Variants in EML2 observed in about 807,000 individuals in gnomAD.
EML2 encodes the protein echinoderm microtubule-associated protein-like 2.
Under a neutral mutation model 84.7 loss-of-function variants are expected in EML2, and 59 were observed. That is an observed-to-expected ratio of 0.70 (90% confidence interval 0.56 to 0.86). The LOEUF (loss-of-function observed/expected upper bound fraction) is 0.86. EML2 is among the 40% of genes least tolerant of loss of function. The pLI is 0.00. For synonymous variants in EML2, 352 were observed against 348.9 expected, an observed-to-expected ratio of 1.01 and a Z score of -0.10; for missense variants, 818 against 855.6, an observed-to-expected ratio of 0.96 and a Z score of 0.55.
intron 6 of EML2, among the ~76,000 whole-genome samples, chr19:45,631,884 A>AT (rs755529171): frequency 0.12 from 10,410 of 89,998 alleles, 1,128 homozygotes; most frequent in East Asian, 0.2. Flanking sequence ...GCTAATTAGA[A>AT]TTTTTTTTTT....
At chr19:45,643,635 A>G, upstream of EML2, 2 of 1,536,126 alleles carry the variant, frequency 1.3e-6, no homozygotes, top group Non-Finnish European at 1.7e-6. Flanking sequence ...TGGTGGAAGT[A>G]AAGGTGGTAG....
At chr19:45,636,435 G>T (rs913559894) in intron 3 of EML2, among the ~76,000 whole-genome samples, 1 of 152,020 alleles carries the variant, frequency 6.6e-6, no homozygotes, top group Non-Finnish European at 1.5e-5. Flanking sequence ...TGTTTGTTTT[G>T]TTTTTTTCAT....
intron 7 of EML2, among the ~76,000 whole-genome samples, chr19:45,628,458 C>A (rs1449318445): frequency 6.6e-6 from 1 of 152,106 alleles, no homozygotes; most frequent in East Asian, 1.9e-4. Flanking sequence ...GAACCCAGCT[C>A]ACCTAGCCCT....
chr19:45,633,811 C>CAT (rs1218290599), intron 4 of EML2, among the ~76,000 whole-genome samples: 1 of 152,204 alleles, frequency 6.6e-6, no homozygotes, highest in East Asian at 1.9e-4. Flanking sequence ...GTGGCAGGAT[C>CAT]ATAGCTGACT....
In EML2 at chr19:45,634,397, G is replaced by A. The variant is rs777935250; in HGVS notation, c.254C>T (p.Ala85Val). ...CACGCTGTATAGCACGGCTACGGAGGCCACAAAGTACACTATCTCCCCGGT... is the reference window on the plus strand; with the variant it reads ...CACGCTGTATAGCACGGCTACGGAGACCACAAAGTACACTATCTCCCCGGT... ...LPTGEIVYFV[A>V]SVAVLYSVEE... The change falls in exon 4 of 19, where the codon GCC (alanine) becomes GTC (valine). Residue 85 changes from alanine to valine, a missense_variant. Ala to Val is a moderately conservative substitution (Grantham distance 64). Transcript: ENST00000245925. 8.1e-6 allele frequency: 13 copies of A among 1,614,006 alleles called. No homozygotes were observed. The highest frequency in any genetic ancestry group is 6.7e-5 in the African/African-American group (5 of 74,928).
intron 6 of EML2, chr19:45,632,531 T>G (rs1372513564): frequency 1.2e-5 from 3 of 249,266 alleles, no homozygotes; most frequent in African/African-American, 2.3e-5. Flanking sequence ...TTGGATGTTG[T>G]GGTGTTGTCA....
At position 45,621,588 on chromosome 19, in the gene EML2, C is replaced by T. The variant is rs757153285; in HGVS notation, c.891G>A (p.Val297=). Residue 297 remains valine (V), a synonymous_variant, in exon 10 of 19, where the codon GTG becomes GTA. Coordinates refer to ENST00000245925, the MANE Select transcript of EML2 (RefSeq NM_012155.4). ...CGTCCCGCAGGGCGCAGAGCCCAAACACGCCGCCGTCGTGGGCGCCCAGCA... is the reference window on the plus strand; with the variant it reads ...CGTCCCGCAGGGCGCAGAGCCCAAATACGCCGCCGTCGTGGGCGCCCAGCA... The part of the protein sequence containing the change: ...QAVLGAHDGG[V]FGLCALRDGT... The T allele has an allele frequency of 2.5e-6, 4 of 1,611,584 alleles. No individual in the cohort carries two copies. The highest frequency in any genetic ancestry group is 3.4e-6 in the Non-Finnish European group (4 of 1,179,822).
Position 45,616,750 on chromosome 19 carries a change from A to T in EML2, c.1411+15T>A. On this transcript the variant is annotated intron_variant, in intron 14 of 18. Coordinates refer to ENST00000245925, the MANE Select transcript of EML2 (RefSeq NM_012155.4). The stretch of plus-strand genomic sequence containing the variant: ...CCTGGCCCTGCCGCTTGGGTGTCCC[A>T]GGCCTGCCGCTTACCTGGGGAGAAG... 6.2e-7 allele frequency: 1 copy of T among 1,610,318 alleles called. No individual in the cohort carries two copies. Among genetic ancestry groups the T allele is most frequent in the Non-Finnish European group, 8.5e-7 (1 of 1,178,142 alleles).
chr19:45,619,072 G>C lies in EML2; in HGVS notation c.1242C>G (p.Ser414Arg). 5 of 1,612,104 alleles carry C rather than the reference G, an allele frequency of 3.1e-6. No individual in the cohort carries two copies. Among genetic ancestry groups the C allele is most frequent in the African/African-American group, 1.3e-5 (1 of 75,008 alleles). The change falls in exon 12 of 19, where the codon AGC becomes AGG. Residue 414 changes from serine to arginine, a missense_variant. Ser to Arg is a moderately radical substitution (Grantham distance 110, BLOSUM62 -1). Transcript: ENST00000245925. ...CCGGGCCCCTTACCTCGATGATCCT[G>C]CTCCACAGGGGCTGGTGGGAATCTG... ...WSSDSHQPLW[S>R]RIIEDPARSA...
At chr19:45,643,430 A>T, upstream of EML2, 4 of 912,380 alleles carry the variant, frequency 4.4e-6, no homozygotes, top group South Asian at 1.5e-5. Flanking sequence ...TCGCCTCTGT[A>T]CCCCGCGCCC....
intron 18 of EML2, among the ~76,000 whole-genome samples, chr19:45,611,676 C>T (rs532383549): frequency 2.6e-4 from 39 of 152,078 alleles, no homozygotes; most frequent in African/African-American, 8.4e-4. Flanking sequence ...TTAGTAAAGA[C>T]GGGGTTTCAC....
upstream of EML2, chr19:45,640,506 C>T (rs1974348168): frequency 6.6e-6 from 1 of 151,914 alleles, no homozygotes; most frequent in African/African-American, 2.4e-5. Context: ...TCACTGCAAC[C>T]TCCGCCTCCC....
intron 12 of EML2, 60 bp from the exon 13 acceptor site, chr19:45,617,757 TTCTCTTGCCTCA>T: frequency 1.3e-6 from 2 of 1,526,628 alleles, no homozygotes; most frequent in Non-Finnish European, 1.8e-6. Context: ...CATCTGGACA[TTCTCTTGCCTCA>T]GGGCCAAGTC....
chr19:45,624,899 G>C, intron 8 of EML2, 81 bp from the exon 9 acceptor site: 1 of 985,216 alleles, frequency 1.0e-6, no homozygotes. Context: ...ACCCAGGACC[G>C]TGGCCAGGCA....
Position 45,619,151 on chromosome 19 carries a change from C to T in EML2, c.1163G>A (p.Ser388Asn). Residue 388 changes from serine to asparagine, a missense_variant, in exon 12 of 19, where the codon AGT becomes AAT. By Grantham distance (46) the Ser-to-Asn change is conservative. Transcript: ENST00000245925. ...EELWGLATHP[S>N]RAQFVTCGQD... ...CCCGCAGGTCACAAACTGGGCCCGA[C>T]TGGGGTGTGTGGCCAGGCCCCACAG... is the stretch of plus-strand genomic sequence containing the variant. 6.2e-7 allele frequency: 1 copy of T among 1,612,152 alleles called. No individual in the cohort carries two copies. The highest frequency in any genetic ancestry group is 8.5e-7 in the Non-Finnish European group (1 of 1,179,646).
Position 45,609,786 on chromosome 19 carries a change from G to C in EML2, c.1827C>G (p.Ala609=). The C allele has an allele frequency of 6.2e-7, 1 of 1,611,974 alleles. No homozygotes were observed. The highest frequency in any genetic ancestry group is 8.5e-7 in the Non-Finnish European group (1 of 1,179,194). Residue 609 remains alanine, a splice_region_variant and synonymous_variant, in exon 19 of 19, where the codon GCC becomes GCG. Transcript: ENST00000245925. ...TGTGTCCACCGTACTTGTGGCTGAG[G>C]GCCTGTTACAAGGAAAGAAGTAAGT... ...LFSYPCCQPR[A]LSHKYGGHSS...
intron 9 of EML2, among the ~76,000 whole-genome samples, chr19:45,623,853 A>C (rs1972005898): frequency 6.6e-6 from 1 of 152,130 alleles, no homozygotes; most frequent in African/African-American, 2.4e-5. Context: ...ACCCAGCCTA[A>C]AAACTTTTAA....
chr19:45,638,948 C>T (rs1298699823), intron 1 of EML2, 75 bp from the exon 2 acceptor site: 4 of 1,547,408 alleles, frequency 2.6e-6, no homozygotes, highest in Non-Finnish European at 3.6e-6. Flanking sequence ...ATTCCTCCAC[C>T]CCCACCGCTC....
At chr19:45,625,616 CTG>C (rs1160573252) in intron 8 of EML2, among the ~76,000 whole-genome samples, 1 of 152,188 alleles carries the variant, frequency 6.6e-6, no homozygotes, top group Non-Finnish European at 1.5e-5. Context: ...CACCTCCAGT[CTG>C]TCTCTCTAGG....
Sources: gnomAD v4.1 joint callset for allele counts (sites outside exome capture counted in the v4.1 genomes callset) on GRCh38, gnomAD v4.1.1 for gene constraint, MANE v1.5 for transcripts, NCBI Gene and HGNC (gene_info 2026-07-23, HGNC 2026-07-21) for gene names.